ZYG11B: variants seen among roughly 807,000 people sequenced by gnomAD.
ZYG11B encodes protein zyg-11 homolog B.
Under a neutral mutation model 82.4 loss-of-function variants are expected in ZYG11B, and 36 were observed. The observed-to-expected ratio is 0.44, with a 90% CI of 0.33 to 0.58. The LOEUF (loss-of-function observed/expected upper bound fraction) is 0.58, where lower values mean the gene tolerates loss of function less well. ZYG11B is among the 20% of genes least tolerant of loss of function. The pLI is 0.02. For synonymous variants in ZYG11B, 303 were observed against 312.8 expected (o/e 0.97, Z 0.33); for missense variants, 552 against 895.6 (o/e 0.62, Z 4.90).
chr1:52,764,694 A>G (rs891442153), intron 2 of ZYG11B, among the ~76,000 whole-genome samples: 1 of 152,222 alleles, frequency 6.6e-6, no homozygotes, highest in Non-Finnish European at 1.5e-5. Flanking sequence ...AAGTAAACAT[A>G]TAGAATTACA....
At chr1:52,762,978 G>GGA (rs1553259206) in intron 2 of ZYG11B, among the ~76,000 whole-genome samples, 2 of 114,370 alleles carry the variant, frequency 1.7e-5, no homozygotes, top group African/African-American at 8.3e-5. Flanking sequence ...TGAGAGATTG[G>GGA]GGGGGGGGGG....
chr1:52,770,810 T>C (rs915508166), intron 2 of ZYG11B, among the ~76,000 whole-genome samples: 15 of 152,306 alleles, frequency 9.8e-5, no homozygotes, highest in African/African-American at 3.4e-4. Context: ...ATTCTGCCAC[T>C]TGCTAGCCCT....
intron 5 of ZYG11B, among the ~76,000 whole-genome samples, chr1:52,785,756 T>G (rs1403474256): frequency 6.6e-6 from 1 of 152,174 alleles, no homozygotes; most frequent in East Asian, 1.9e-4. Context: ...CCCTTAACTT[T>G]TTTTTAGGTC....
intron 13 of ZYG11B, among the ~76,000 whole-genome samples, chr1:52,819,215 C>T (rs905829275): frequency 6.6e-6 from 1 of 152,202 alleles, no homozygotes; most frequent in Non-Finnish European, 1.5e-5. Context: ...CCCACCTGAA[C>T]TCCCACCTGG....
intron 2 of ZYG11B, 116 bp from the exon 3 acceptor site, chr1:52,770,904 G>T: frequency 8.8e-7 from 1 of 1,141,086 alleles, no homozygotes; most frequent in South Asian, 1.5e-5. Context: ...AATGAATTGT[G>T]ATTATCAGAC....
At chr1:52,772,183 CACAG>C (rs1644758661) in intron 3 of ZYG11B, 1 of 1,461,848 alleles carries the variant, frequency 6.8e-7, no homozygotes, top group Non-Finnish European at 9.6e-7. Context: ...TGCTTGAGTA[CACAG>C]ACAAATTTAT....
chr1:52,803,117 T>TATATATATAC, intron 10 of ZYG11B, among the ~76,000 whole-genome samples: 1 of 25,220 alleles, frequency 4.0e-5, no homozygotes, highest in South Asian at 1.6e-3. Flanking sequence ...TATATATATA[T>TATATATATAC]ACACACATAT....
At position 52,814,207 on chromosome 1, in the gene ZYG11B, G is replaced by C. The variant is rs1266175578; in HGVS notation, c.1946+295G>C. On this transcript the variant is annotated intron_variant, in intron 12 of 13. Transcript: ENST00000294353. The stretch of plus-strand genomic sequence containing the variant: ...CGCTAATTTTTGTATTTTTAGTAGA[G>C]ACGAGGTTTCACCATGTTGGCCAGG... 2.0e-5 allele frequency among the ~76,000 whole-genome samples: 3 copies of C among 152,120 alleles called. No individual in the cohort carries two copies. The East Asian group carries it at 5.8e-4, about 29-fold the overall frequency.
chr1:52,764,113 C>CTTTATTTTAT (rs71044417), intron 2 of ZYG11B, among the ~76,000 whole-genome samples: 1 of 150,464 alleles, frequency 6.6e-6, no homozygotes, highest in Non-Finnish European at 1.5e-5. Context: ...CATGTTGATT[C>CTTTATTTTAT]TTTATTTTAT....
chr1:52,726,810 C>T, intron 1 of ZYG11B, 127 bp downstream of exon 1: 5 of 923,524 alleles, frequency 5.4e-6, no homozygotes, highest in Middle Eastern at 4.8e-4. Flanking sequence ...CTTTACCTCT[C>T]TCCCTCGTTA....
At chr1:52,789,893 C>T (rs751362625) in intron 5 of ZYG11B, 110 bp from the exon 6 acceptor site, 15 of 669,008 alleles carry the variant, frequency 2.2e-5, no homozygotes, top group Non-Finnish European at 3.3e-5. Flanking sequence ...TAAGAAATAA[C>T]TGGTGTTTCA....
intron 3 of ZYG11B, chr1:52,772,668 C>T (rs549274150): frequency 3.8e-5 from 30 of 780,298 alleles, no homozygotes; most frequent in South Asian, 2.0e-4. Context: ...GATCAGGCAA[C>T]GAAAGGCTTG....
intron 8 of ZYG11B, 38 bp from the exon 9 acceptor site, chr1:52,801,781 C>T: frequency 1.3e-6 from 2 of 1,523,352 alleles, no homozygotes; most frequent in Non-Finnish European, 1.8e-6. Context: ...AATAACAGTT[C>T]AAAAGTGAAA....
intron 6 of ZYG11B, 21 bp from the exon 7 acceptor site, chr1:52,796,270 GA>G: frequency 6.3e-7 from 1 of 1,599,766 alleles, no homozygotes; most frequent in African/African-American, 1.3e-5. Context: ...ATTAATTCAT[GA>G]AACCCTTTTT....
At chr1:52,795,354 G>T (rs1356941737) in intron 6 of ZYG11B, among the ~76,000 whole-genome samples, 2 of 152,076 alleles carry the variant, frequency 1.3e-5, no homozygotes, top group Non-Finnish European at 2.9e-5. Context: ...CTTACAGCCT[G>T]TGGAACCATG....
At chr1:52,756,983 A>G (rs1644583524) in intron 2 of ZYG11B, among the ~76,000 whole-genome samples, 2 of 151,086 alleles carry the variant, frequency 1.3e-5, no homozygotes, top group Admixed American at 6.6e-5. Flanking sequence ...ACATCTGGCT[A>G]ATTTCAACAT....
intron 4 of ZYG11B, among the ~76,000 whole-genome samples, chr1:52,783,912 C>CACGTGTGTG (rs1558132762): frequency 3.6e-5 from 1 of 27,762 alleles, no homozygotes; most frequent in Non-Finnish European, 5.2e-5. Context: ...GTATATACAT[C>CACGTGTGTG]TATACATATA....
In ZYG11B at chr1:52,824,484, CAAAAATTAGCTGG is replaced by C. The variant is rs1645308864; in HGVS notation, c.*2856_*2868del. 1 of 151,884 alleles carries C rather than the reference CAAAAATTAGCTGG, an allele frequency of 6.6e-6. No individual in the cohort carries two copies. The highest frequency in any genetic ancestry group is 2.4e-5 in the African/African-American group (1 of 41,336). The allele number at this position is 151,884 out of a possible 1,614,324, so 9.4% of individuals were successfully genotyped here. ...TGAAACCCTGTCTCTACTAAATATA[CAAAAATTAGCTGG>C]GTGTGGTGGCGGGCACCTGTAATCC... On this transcript the variant is annotated 3_prime_UTR_variant, in exon 14 of 14. Coordinates refer to ENST00000294353, the MANE Select transcript of ZYG11B (RefSeq NM_024646.3).
At chr1:52,732,480 C>T (rs933146794) in intron 1 of ZYG11B, among the ~76,000 whole-genome samples, 1 of 152,140 alleles carries the variant, frequency 6.6e-6, no homozygotes, top group Admixed American at 6.6e-5. Context: ...AATAATTTGG[C>T]CGGGTGTGGT....
Sources: allele counts gnomAD v4.1 joint callset (sites outside exome capture counted in the v4.1 genomes callset), GRCh38; gene constraint gnomAD v4.1.1; transcripts MANE v1.5; gene names NCBI Gene and HGNC (gene_info 2026-07-23, HGNC 2026-07-21).